The following ABHD15 variants were observed in gnomAD, a reference collection of about 807,000 sequenced individuals.
The protein encoded by ABHD15 is protein ABHD15.
Under a neutral mutation model 34.4 loss-of-function variants are expected in ABHD15, and 34 were observed. The observed-to-expected ratio is 0.99, with a 90% confidence interval of 0.75 to 1.32. The LOEUF (loss-of-function observed/expected upper bound fraction) is 1.32. Among genes scored for constraint, ABHD15 ranks in the 40% most tolerant of loss-of-function variants. The pLI, the probability that ABHD15 is intolerant of heterozygous loss-of-function variation, is 0.00. For missense variants in ABHD15, 644 were observed against 650.4 expected (o/e 0.99, Z 0.11); for synonymous variants, 314 against 299.2 (o/e 1.05, Z -0.51).
Position 29,566,096 on chromosome 17 carries a change from C to T in ABHD15, c.871G>A (p.Ala291Thr), listed in dbSNP as rs749094319. 2.4e-5 allele frequency: 37 copies of T among 1,537,426 alleles called. 1 individual carries two copies. The Admixed American group carries it at 4.5e-4, about 19-fold the overall frequency. ...ERGFLLHQKI[A>T]LSRYATALED... The stretch of plus-strand genomic sequence containing the variant: ...GCCTCCGTTACCCACCTGCTGAGGG[C>T]GATCTTCTGGTGGAGCAGAAAGCCC... Residue 291 changes from alanine (A) to threonine (T), a missense_variant, in exon 1 of 2, where the codon GCC becomes ACC. Physicochemically the swap from Ala to Thr is moderately conservative, Grantham distance 58. Coordinates refer to ENST00000307201, the MANE Select transcript of ABHD15 (RefSeq NM_198147.3).
At position 29,566,262 on chromosome 17, in the gene ABHD15, G is replaced by C. The variant is rs2032707639; in HGVS notation, c.705C>G (p.Ser235Arg). The change falls in exon 1 of 2, where the codon AGC becomes AGG. Residue 235 changes from serine to arginine, a missense_variant. Transcript: ENST00000307201. ...RHPAAPLFAV[S>R]EGSGSALLLS... Reference sequence around the variant, plus strand: ...GGAGCAGCGCCGAGCCCGAGCCTTCGCTCACCGCGAACAGCGGCGCCGCCG... The same window carrying C: ...GGAGCAGCGCCGAGCCCGAGCCTTCCCTCACCGCGAACAGCGGCGCCGCCG... 1 of 1,610,712 alleles carries C rather than the reference G, an allele frequency of 6.2e-7. No individual in the cohort carries two copies.
intron 1 of ABHD15, among the ~76,000 whole-genome samples, chr17:29,564,011 C>T (rs566584898): frequency 1.3e-5 from 2 of 152,360 alleles, no homozygotes; most frequent in South Asian, 2.1e-4. Flanking sequence ...TCCTGTGTGA[C>T]GGTGCCCACT....
chr17:29,566,557 A>G lies in ABHD15; in HGVS notation c.410T>C (p.Leu137Pro). The change falls in exon 1 of 2, where the codon CTG becomes CCG. Residue 137 changes from leucine to proline, a missense_variant. Coordinates refer to ENST00000307201, the MANE Select transcript of ABHD15 (RefSeq NM_198147.3). ...AACACAAGGTCCTACCACCCAGTCC[A>G]GGGCCACTAGCCCATCGTCCGCCAA... ...LQLADDGLVA[L>P]DWVVGPCVRG... 6.2e-7 allele frequency: 1 copy of G among 1,609,510 alleles called. No individual in the cohort carries two copies. Among genetic ancestry groups the G allele is most frequent in the Non-Finnish European group, 8.5e-7 (1 of 1,178,954 alleles).
At chr17:29,563,325 G>A (rs2032658087) in intron 1 of ABHD15, among the ~76,000 whole-genome samples, 1 of 151,810 alleles carries the variant, frequency 6.6e-6, no homozygotes, top group Non-Finnish European at 1.5e-5. Flanking sequence ...CGAGGTGGGT[G>A]GATCACTTAA....
Position 29,566,774 on chromosome 17 carries a change from G to A in ABHD15, c.193C>T (p.Pro65Ser), listed in dbSNP as rs1834140227. 1.3e-6 allele frequency: 2 copies of A among 1,514,186 alleles called. No individual in the cohort carries two copies. The highest frequency in any genetic ancestry group is 2.0e-5 in the Admixed American group (1 of 49,516). The allele number at this position is 1,514,186 out of a possible 1,614,324, so 93.8% of individuals were successfully genotyped here. ...ACAAGGCTGCACCCTCCCGGCAGTG[G>A]CTCGCGCCCGTCGCTGAACTGGTCC... ...PADQFSDGRE[P>S]LPGGCSLVCK... Residue 65 changes from proline (P) to serine (S), a missense_variant, in exon 1 of 2, where the codon CCA becomes TCA. By Grantham distance (74) the Pro-to-Ser change is moderately conservative. Transcript: ENST00000307201.
intron 1 of ABHD15, among the ~76,000 whole-genome samples, chr17:29,563,449 G>A (rs1441035164): frequency 6.6e-6 from 1 of 152,074 alleles, no homozygotes; most frequent in Non-Finnish European, 1.5e-5. Context: ...AGGAGGCTGA[G>A]GTGGGAGGAC....
intron 1 of ABHD15, among the ~76,000 whole-genome samples, chr17:29,563,438 C>G (rs2032660395): frequency 6.6e-6 from 1 of 151,306 alleles, no homozygotes; most frequent in Non-Finnish European, 1.5e-5. Context: ...CCCAGCTATT[C>G]AGGAGGCTGA....
At position 29,566,396 on chromosome 17, in the gene ABHD15, A is replaced by G. The variant is rs1320146842; in HGVS notation, c.571T>C (p.Phe191Leu). Residue 191 changes from phenylalanine (F) to leucine (L), a missense_variant, in exon 1 of 2, where the codon TTC (phenylalanine) becomes CTC (leucine). Physicochemically the swap from Phe to Leu is conservative, Grantham distance 22. Transcript: ENST00000307201. ...ALERGYYPVI[F>L]HRRGHHGCPL... is the part of the protein sequence containing the mutation. ...CAACCGTGGTGGCCGCGGCGATGGA[A>G]GATGACCGGGTAGTAGCCGCGCTCC... 1.2e-6 allele frequency: 2 copies of G among 1,611,632 alleles called. No individual in the cohort carries two copies. Among genetic ancestry groups the G allele is most frequent in the Non-Finnish European group, 1.7e-6 (2 of 1,179,144 alleles).
Position 29,562,778 on chromosome 17 carries a change from T to C in ABHD15, c.1190A>G (p.Gln397Arg). ...RHGGHCGFLR[Q>R]EPLPAWSHEV... ...ATGGCTCCAGGCTGGCAAGGGCTCC[T>C]GGCGCAGGAAGCCACAGTGGCCTCC... The change falls in exon 2 of 2, where the codon CAG (glutamine) becomes CGG (arginine). Residue 397 changes from glutamine to arginine, a missense_variant. Physicochemically the swap from Gln to Arg is conservative, Grantham distance 43 (BLOSUM62 1). Transcript: ENST00000307201. The C allele has an allele frequency of 6.2e-7, 1 of 1,613,614 alleles. No individual in the cohort carries two copies. Among genetic ancestry groups the C allele is most frequent in the Non-Finnish European group, 8.5e-7 (1 of 1,179,628 alleles).
In ABHD15 at chr17:29,562,047, T is replaced by G. The variant is rs2032633718; in HGVS notation, c.*514A>C. 6.5e-6 allele frequency: 1 copy of G among 152,798 alleles called. No homozygotes were observed. 9.5% of individuals were successfully genotyped at this position (152,798 alleles called of 1,614,324 possible). A position where few individuals can be genotyped will look rare whatever the true frequency, so the allele number is the denominator to read the frequency against. On this transcript the variant is annotated 3_prime_UTR_variant, in exon 2 of 2. Transcript: ENST00000307201. The stretch of plus-strand genomic sequence containing the variant: ...GCCCTTCTCACACACACAAGCCTGC[T>G]GCCGCAGTTGCCAGAGCATTCGGTC...
chr17:29,563,583 C>A (rs1246786159), intron 1 of ABHD15, among the ~76,000 whole-genome samples: 1 of 151,856 alleles, frequency 6.6e-6, no homozygotes, highest in Non-Finnish European at 1.5e-5. Context: ...TAAAAGTGGC[C>A]AGGCGCGGTG....
rs1172151595 is a variant in ABHD15 at position 29,566,374 on chromosome 17, C to T, written c.593G>A (p.Gly198Asp). ...CAGCCGGGGGCTGACCAGTGGGCAA[C>T]CGTGGTGGCCGCGGCGATGGAAGAT... Reference protein sequence around the residue: ...PVIFHRRGHHGCPLVSPRLQP... With the variant: ...PVIFHRRGHHDCPLVSPRLQP... The change falls in exon 1 of 2, where the codon GGT (glycine) becomes GAT (aspartate). Residue 198 changes from glycine (G) to aspartate (D), a missense_variant. Coordinates refer to ENST00000307201, the MANE Select transcript of ABHD15 (RefSeq NM_198147.3). 1.9e-6 allele frequency: 3 copies of T among 1,610,808 alleles called. No homozygotes were observed. The Admixed American group carries it at 5.0e-5, about 27-fold the overall frequency.
intron 1 of ABHD15, among the ~76,000 whole-genome samples, 163 bp from the exon 2 acceptor site, chr17:29,563,249 A>C (rs564817887): frequency 1.4e-4 from 22 of 152,304 alleles, no homozygotes; most frequent in Non-Finnish European, 2.9e-4. Flanking sequence ...CATGGCCATC[A>C]TTTAAAACCA....
Position 29,562,918 on chromosome 17 carries a change from C to T in ABHD15, c.1050G>A (p.Val350=), listed in dbSNP as rs773846572. The stretch of plus-strand genomic sequence containing the variant: ...CAGCACTGCAGATACACAGCACAGG[C>T]ACGGCTGCCTCATCGACATCCCGGA... ...DPLRDVDEAA[V]PVLCICSADD... is the part of the protein sequence containing the mutation. Residue 350 remains valine (V), a synonymous_variant, in exon 2 of 2, where the codon GTG becomes GTA. Coordinates refer to ENST00000307201, the MANE Select transcript of ABHD15 (RefSeq NM_198147.3). 2.5e-6 allele frequency: 4 copies of T among 1,614,144 alleles called. No individual in the cohort carries two copies. Among genetic ancestry groups the T allele is most frequent in the Admixed American group, 1.7e-5 (1 of 60,024 alleles).
Position 29,562,857 on chromosome 17 carries a change from T to C in ABHD15, c.1111A>G (p.Thr371Ala), listed in dbSNP as rs1334880782. 5 of 1,613,920 alleles carry C rather than the reference T, an allele frequency of 3.1e-6. No homozygotes were observed. Among genetic ancestry groups the C allele is most frequent in the Non-Finnish European group, 3.4e-6 (4 of 1,179,962 alleles). Residue 371 changes from threonine (T) to alanine (A), a missense_variant, in exon 2 of 2, where the codon ACA (threonine) becomes GCA (alanine). Thr to Ala is a moderately conservative substitution (Grantham distance 58). Coordinates refer to ENST00000307201, the MANE Select transcript of ABHD15 (RefSeq NM_198147.3). ...PVCGPPDHTL[T>A]TELFHSNPYF... ...GGGTTGCTGTGGAAGAGTTCAGTTG[T>C]CAGAGTGTGGTCTGGGGGTCCACAC...
chr17:29,566,261 C>T lies in ABHD15; in HGVS notation c.706G>A (p.Glu236Lys). The change falls in exon 1 of 2, where the codon GAA becomes AAA. Residue 236 changes from glutamate to lysine, a missense_variant. Physicochemically the swap from Glu to Lys is moderately conservative, Grantham distance 56. Transcript: ENST00000307201. ...HPAAPLFAVS[E>K]GSGSALLLSY... ...AGGAGCAGCGCCGAGCCCGAGCCTT[C>T]GCTCACCGCGAACAGCGGCGCCGCC... 6 of 1,610,738 alleles carry T rather than the reference C, an allele frequency of 3.7e-6. No homozygotes were observed. The highest frequency in any genetic ancestry group is 1.1e-5 in the South Asian group (1 of 90,934).
rs1441540431 is a variant in ABHD15, at chr17:29,561,923, A to G, written c.*638T>C. 1 of 152,464 alleles carries G rather than the reference A, an allele frequency of 6.6e-6. No individual in the cohort carries two copies. Among genetic ancestry groups the G allele is most frequent in the Non-Finnish European group, 1.5e-5 (1 of 68,198 alleles). The allele number at this position is 152,464 out of a possible 1,614,324, so 9.4% of individuals were successfully genotyped here. ...AGCCCCATTCCTAGCTGAGACTTGC[A>G]GAGCTCCTCTGAGAGATTGGAACTT... On this transcript the variant is annotated 3_prime_UTR_variant, in exon 2 of 2. Transcript: ENST00000307201.
At position 29,566,097 on chromosome 17, in the gene ABHD15, G is replaced by A. The variant is rs1161727295; in HGVS notation, c.870C>T (p.Ile290=). The A allele has an allele frequency of 1.3e-6, 2 of 1,538,772 alleles. No individual in the cohort carries two copies. The highest frequency in any genetic ancestry group is 8.8e-7 in the Non-Finnish European group (1 of 1,142,206). The part of the protein sequence containing the change: ...YERGFLLHQK[I]ALSRYATALE... Reference sequence around the variant, plus strand: ...CCTCCGTTACCCACCTGCTGAGGGCGATCTTCTGGTGGAGCAGAAAGCCCC... The same window carrying A: ...CCTCCGTTACCCACCTGCTGAGGGCAATCTTCTGGTGGAGCAGAAAGCCCC... Residue 290 remains isoleucine, a synonymous_variant, in exon 1 of 2, where the codon ATC becomes ATT. Transcript: ENST00000307201.
At chr17:29,565,726 G>A (rs1598544697) in intron 1 of ABHD15, among the ~76,000 whole-genome samples, 1 of 152,204 alleles carries the variant, frequency 6.6e-6, no homozygotes, top group Admixed American at 6.5e-5. Context: ...TGCTTCCAGA[G>A]TGCTCTTTGC....
Sources: allele counts gnomAD v4.1 joint callset (sites outside exome capture counted in the v4.1 genomes callset), GRCh38; gene constraint gnomAD v4.1.1; transcripts MANE v1.5; gene names NCBI Gene and HGNC (gene_info 2026-07-23, HGNC 2026-07-21).